Variants in CNGB3 observed in about 807,000 individuals in gnomAD.
CNGB3 encodes cyclic nucleotide gated channel subunit beta 3, also known as cyclic nucleotide-gated channel beta-3.
CNGB3 carries 86 observed loss-of-function variants against 92.8 expected under a neutral mutation model. The ratio of observed to expected loss-of-function variants is 0.93; its 90% confidence interval spans 0.78 to 1.11. The LOEUF (loss-of-function observed/expected upper bound fraction) is 1.11. Ranked by LOEUF, CNGB3 falls within the 50% of genes least tolerant of loss-of-function variation. The pLI is 0.00. For missense variants in CNGB3, 1,026 were observed against 956.8 expected (o/e 1.07, Z -0.95); for synonymous variants, 333 against 332.7 (o/e 1.00, Z -0.01).
rs199949819 is a variant in CNGB3 at position 86,579,272 on chromosome 8, G to A, written c.1782-20C>T. 132 of 1,613,186 alleles carry A rather than the reference G, an allele frequency of 8.2e-5. No individual in the cohort carries two copies. The highest frequency in any genetic ancestry group is 2.2e-4 in the Admixed American group (13 of 60,006). ...AGAAGGCTGTAAGAGAGAAAAATGA[G>A]TCTTTGCCACCAGTTTCAGTTTTCC... is the stretch of plus-strand genomic sequence containing the variant. On this transcript the variant is annotated intron_variant, in intron 15 of 17. Coordinates refer to ENST00000320005, the MANE Select transcript of CNGB3 (RefSeq NM_019098.5).
chr8:86,720,768 G>A (rs531641054), intron 3 of CNGB3, among the ~76,000 whole-genome samples: 1 of 149,464 alleles, frequency 6.7e-6, no homozygotes, highest in East Asian at 2.0e-4. Context: ...CAATCAATGA[G>A]TAAATAAAGT....
intron 3 of CNGB3, among the ~76,000 whole-genome samples, chr8:86,705,486 T>G (rs1561690): frequency 0.19 from 29,499 of 151,984 alleles, 3,409 homozygotes; most frequent in South Asian, 0.3. Flanking sequence ...AAAGGAATGT[T>G]GCAGGTTACA....
chr8:86,608,737 C>T (rs899433215), intron 14 of CNGB3, among the ~76,000 whole-genome samples: 5 of 152,232 alleles, frequency 3.3e-5, no homozygotes, highest in East Asian at 1.9e-4. Flanking sequence ...TCTCCTCTCC[C>T]TCTCTGCCTC....
At chr8:86,603,944 G>A in intron 15 of CNGB3, 149 bp downstream of exon 15, 2 of 636,920 alleles carry the variant, frequency 3.1e-6, no homozygotes, top group Non-Finnish European at 5.6e-6. Flanking sequence ...GTGAAGGGAT[G>A]AATAAAAATA....
At chr8:86,636,572 CAAAAAAAAAAA>C (rs57907634) in intron 10 of CNGB3, among the ~76,000 whole-genome samples, 3 of 40,098 alleles carry the variant, frequency 7.5e-5, no homozygotes, top group Non-Finnish European at 1.2e-4. Flanking sequence ...GACCCTGTCT[CAAAAAAAAAAA>C]AAAAAAAAAA....
At chr8:86,602,517 C>T (rs1262256701) in intron 15 of CNGB3, among the ~76,000 whole-genome samples, 1 of 152,186 alleles carries the variant, frequency 6.6e-6, no homozygotes, top group Non-Finnish European at 1.5e-5. Context: ...GGACCCCGAT[C>T]CGTGGAGACC....
intron 6 of CNGB3, chr8:86,658,002 T>C (rs1291868485): frequency 3.7e-6 from 2 of 545,122 alleles, no homozygotes; most frequent in East Asian, 4.4e-5. Context: ...GTTCCAGTTT[T>C]TCCATCTGCT....
intron 3 of CNGB3, among the ~76,000 whole-genome samples, chr8:86,701,985 T>A (rs1824566469): frequency 6.6e-6 from 1 of 152,226 alleles, no homozygotes; most frequent in African/African-American, 2.4e-5. Flanking sequence ...TTTGTTTTAT[T>A]TATCAGTTTG....
At chr8:86,674,670 T>C (rs1823928913) in intron 3 of CNGB3, among the ~76,000 whole-genome samples, 1 of 152,240 alleles carries the variant, frequency 6.6e-6, no homozygotes, top group Non-Finnish European at 1.5e-5. Flanking sequence ...CTTGTTTATA[T>C]TACCAATTTT....
chr8:86,735,077 T>C, intron 2 of CNGB3, among the ~76,000 whole-genome samples: 1 of 132,272 alleles, frequency 7.6e-6, no homozygotes, highest in South Asian at 2.5e-4. Context: ...TTTTGTATGG[T>C]ATACTGCCTT....
intron 15 of CNGB3, chr8:86,593,674 C>T: frequency 1.6e-6 from 1 of 621,140 alleles, no homozygotes; most frequent in Non-Finnish European, 2.9e-6. Context: ...GTCTGTCTGC[C>T]CACAGCCAGA....
intron 11 of CNGB3, among the ~76,000 whole-genome samples, chr8:86,630,466 G>T (rs948870081): frequency 6.6e-6 from 1 of 152,222 alleles, no homozygotes; most frequent in African/African-American, 2.4e-5. Context: ...TGAGGAAGAT[G>T]TATATTCTAT....
chr8:86,595,154 A>G (rs1214467449), intron 15 of CNGB3, among the ~76,000 whole-genome samples: 3 of 151,882 alleles, frequency 2.0e-5, no homozygotes, highest in Admixed American at 1.3e-4. Context: ...CCTGACTTCA[A>G]GTCAAGAGGT....
intron 10 of CNGB3, among the ~76,000 whole-genome samples, chr8:86,634,356 G>A (rs1046776668): frequency 4.6e-5 from 7 of 152,116 alleles, no homozygotes; most frequent in Non-Finnish European, 1.0e-4. Context: ...GCACATTTAA[G>A]TTAGGTTAGG....
chr8:86,633,903 G>A (rs1823012443), intron 10 of CNGB3, among the ~76,000 whole-genome samples: 1 of 152,146 alleles, frequency 6.6e-6, no homozygotes, highest in Admixed American at 6.6e-5. Context: ...ACAGAGGAGA[G>A]CTGAGCTCCA....
intron 11 of CNGB3, among the ~76,000 whole-genome samples, chr8:86,632,540 C>T (rs1822982725): frequency 6.6e-6 from 1 of 152,138 alleles, no homozygotes; most frequent in Non-Finnish European, 1.5e-5. Context: ...ATGCTATTTG[C>T]TGACAGGTCT....
At chr8:86,686,030 A>G (rs1244897737) in intron 3 of CNGB3, among the ~76,000 whole-genome samples, 3 of 152,112 alleles carry the variant, frequency 2.0e-5, no homozygotes, top group Non-Finnish European at 4.4e-5. Flanking sequence ...AACCATGGGA[A>G]AACACTTTGA....
At chr8:86,624,660 C>T (rs1246081137) in intron 13 of CNGB3, among the ~76,000 whole-genome samples, 2 of 152,174 alleles carry the variant, frequency 1.3e-5, no homozygotes, top group South Asian at 2.1e-4. Context: ...CTCCCATCTG[C>T]GTAGCTCACT....
Position 86,670,978 on chromosome 8 carries a change from T to A in CNGB3, c.459A>T (p.Gly153=). The part of the protein sequence containing the change: ...TALYKKKLVE[G]DLSSPEASPQ... ...GGCTGGCTTCGGGTGAGGAGAGATC[T>A]CCCTCTACCAACTTTTTCTTGTAGA... The change falls in exon 4 of 18, where the codon GGA becomes GGT. Residue 153 remains glycine, a synonymous_variant. Coordinates refer to ENST00000320005, the MANE Select transcript of CNGB3 (RefSeq NM_019098.5). 6.2e-7 allele frequency: 1 copy of A among 1,612,834 alleles called. No individual in the cohort carries two copies.
Sources: gnomAD v4.1 joint callset for allele counts (sites outside exome capture counted in the v4.1 genomes callset) on GRCh38, gnomAD v4.1.1 for gene constraint, MANE v1.5 for transcripts, NCBI Gene and HGNC (gene_info 2026-07-23, HGNC 2026-07-21) for gene names.